The following MORF4L1 variants were observed in gnomAD, a reference collection of about 807,000 sequenced individuals.
MORF4L1 encodes mortality factor 4 like 1.
A neutral mutation model predicts 52.9 loss-of-function variants in MORF4L1; 4 were observed. The ratio of observed to expected loss-of-function variants is 0.08; its 90% confidence interval spans 0.04 to 0.17. The LOEUF is 0.17. MORF4L1 is among the 10% of genes least tolerant of loss of function. MORF4L1 has a pLI of 1.00. For missense variants in MORF4L1, 214 were observed against 390.4 expected (o/e 0.55, Z 3.81); for synonymous variants, 123 against 134.8 (o/e 0.91, Z 0.61).
intron 1 of MORF4L1, chr15:78,873,340 G>A (rs2056406424): frequency 1.0e-6 from 1 of 974,394 alleles, no homozygotes; most frequent in Non-Finnish European, 1.4e-6. Flanking sequence ...CTGAGGAAGA[G>A]GGCGCGGAGA....
chr15:78,874,667 A>T (rs1596236406), intron 1 of MORF4L1, among the ~76,000 whole-genome samples: 1 of 135,644 alleles, frequency 7.4e-6, no homozygotes, highest in South Asian at 2.2e-4. Context: ...GGCTTGAGCG[A>T]TCCACCCGCC....
At chr15:78,889,286 A>G (rs1473740517) in intron 5 of MORF4L1, among the ~76,000 whole-genome samples, 2 of 152,220 alleles carry the variant, frequency 1.3e-5, no homozygotes, top group Non-Finnish European at 1.5e-5. Flanking sequence ...ATTGAAGTGT[A>G]TGGGTTGAAT....
chr15:78,892,524 A>G (rs1265577434), intron 8 of MORF4L1: 3 of 427,988 alleles, frequency 7.0e-6, no homozygotes, highest in Non-Finnish European at 1.3e-5. Flanking sequence ...ATGAGGTTAT[A>G]ATGATAAAGG....
intron 1 of MORF4L1, 171 bp from the exon 2 acceptor site, chr15:78,878,042 T>A (rs1439677184): frequency 6.1e-6 from 3 of 489,230 alleles, no homozygotes; most frequent in Non-Finnish European, 1.1e-5. Flanking sequence ...CAACGTGTTT[T>A]TGTCGTAGGG....
intron 1 of MORF4L1, chr15:78,873,309 C>T (rs1038894312): frequency 1.3e-5 from 16 of 1,204,710 alleles, no homozygotes; most frequent in Admixed American, 3.4e-5. Flanking sequence ...GGCACACCCT[C>T]GTCAAGTGTT....
At position 78,884,238 on chromosome 15, in the gene MORF4L1, G is replaced by A. The variant is rs181848562; in HGVS notation, c.156-1903G>A. On this transcript the variant is annotated intron_variant, in intron 3 of 11. Transcript: ENST00000426013. ...AACAAAAAGCTGAAATTCTTGCCAG[G>A]CGCGATGGCTCATGCCTGTAATCCC... 2.8e-3 allele frequency among the ~76,000 whole-genome samples: 417 copies of A among 151,022 alleles called. 2 individuals are homozygous for A. The highest frequency in any genetic ancestry group is 6.9e-3 in the Middle Eastern group (2 of 290).
chr15:78,876,403 TTC>T (rs2056491897), intron 1 of MORF4L1: 1 of 369,808 alleles, frequency 2.7e-6, no homozygotes. Flanking sequence ...CCATTGGAAA[TTC>T]TTTTTTGTTT....
Position 78,892,208 on chromosome 15 carries a change from T to G in MORF4L1, c.439-4T>G, listed in dbSNP as rs1465722237. ...TTTTTAATACTCCTCCTGTTTCTGT[T>G]TAGGAGGAAACATTCATGAACAGAG... is the stretch of plus-strand genomic sequence containing the variant. On this transcript the variant is annotated splice_polypyrimidine_tract_variant and splice_region_variant and intron_variant, in intron 7 of 11. Transcript: ENST00000426013. 2 of 1,599,164 alleles carry G rather than the reference T, an allele frequency of 1.3e-6. No individual in the cohort carries two copies. Among genetic ancestry groups the G allele is most frequent in the African/African-American group, 1.3e-5 (1 of 74,534 alleles).
intron 1 of MORF4L1, among the ~76,000 whole-genome samples, chr15:78,874,311 A>G (rs1038230348): frequency 6.6e-6 from 1 of 152,174 alleles, no homozygotes; most frequent in African/African-American, 2.4e-5. Flanking sequence ...CTCAAACCGT[A>G]GTACTGCGTA....
chr15:78,892,930 T>C (rs1273415470), intron 8 of MORF4L1: 2 of 153,252 alleles, frequency 1.3e-5, no homozygotes, highest in African/African-American at 4.8e-5. Context: ...TAGTTTGAAT[T>C]CTGATTTGAA....
intron 3 of MORF4L1, among the ~76,000 whole-genome samples, chr15:78,883,524 C>T (rs1234713560): frequency 6.6e-6 from 1 of 152,158 alleles, no homozygotes; most frequent in African/African-American, 2.4e-5. Context: ...GCATTTTCCT[C>T]TTTGGTGTAT....
At chr15:78,883,707 CTT>C (rs1322486448) in intron 3 of MORF4L1, among the ~76,000 whole-genome samples, 5 of 152,210 alleles carry the variant, frequency 3.3e-5, no homozygotes, top group Non-Finnish European at 5.9e-5. Context: ...TCAGAAATGT[CTT>C]TGGTTGACTT....
chr15:78,896,025 C>G (rs2056881340), intron 11 of MORF4L1, among the ~76,000 whole-genome samples: 1 of 152,112 alleles, frequency 6.6e-6, no homozygotes, highest in Non-Finnish European at 1.5e-5. Context: ...GTCGCCCAGG[C>G]TGGAGTGCAG....
At chr15:78,881,032 G>A (rs2056592740) in intron 3 of MORF4L1, among the ~76,000 whole-genome samples, 1 of 151,672 alleles carries the variant, frequency 6.6e-6, no homozygotes, top group African/African-American at 2.4e-5. Flanking sequence ...TTGCTTGATT[G>A]GGAAATAAAG....
intron 2 of MORF4L1, among the ~76,000 whole-genome samples, chr15:78,879,773 CAA>C (rs10664763): frequency 3.2e-4 from 40 of 124,588 alleles, no homozygotes; most frequent in South Asian, 5.1e-4. Context: ...CTGTCTCTAC[CAA>C]AAAAAAAAAA....
At chr15:78,876,234 C>A (rs531277405) in intron 1 of MORF4L1, among the ~76,000 whole-genome samples, 1 of 151,626 alleles carries the variant, frequency 6.6e-6, no homozygotes, top group Non-Finnish European at 1.5e-5. Flanking sequence ...CCGCGCCCGG[C>A]CGAGAAATAG....
chr15:78,873,068 G>C lies in MORF4L1; in HGVS notation c.40+11G>C, dbSNP rs200078853. Reference sequence around the variant, plus strand: ...CTAAATTCCAGGAGGGTGAGTGTGCGCCTTTGGGAAAAAGGCACCTAACGG... The same window carrying C: ...CTAAATTCCAGGAGGGTGAGTGTGCCCCTTTGGGAAAAAGGCACCTAACGG... On this transcript the variant is annotated intron_variant, in intron 1 of 11. Transcript: ENST00000426013. 1.9e-6 allele frequency: 3 copies of C among 1,551,258 alleles called. No individual in the cohort carries two copies. In the African/African-American group the frequency reaches 4.1e-5, roughly 21 times the overall value.
chr15:78,879,497 G>A (rs2056560079), intron 2 of MORF4L1, among the ~76,000 whole-genome samples: 1 of 152,118 alleles, frequency 6.6e-6, no homozygotes, highest in South Asian at 2.1e-4. Flanking sequence ...TGGGATTAGA[G>A]GTGTGAGCCA....
intron 1 of MORF4L1, among the ~76,000 whole-genome samples, chr15:78,875,253 C>A (rs140259398): frequency 3.3e-5 from 5 of 152,180 alleles, no homozygotes; most frequent in Admixed American, 6.5e-5. Flanking sequence ...GATGGCTGTT[C>A]TGGAAGAAGC....
Sources: gnomAD v4.1 joint callset for allele counts (sites outside exome capture counted in the v4.1 genomes callset) on GRCh38, gnomAD v4.1.1 for gene constraint, MANE v1.5 for transcripts, NCBI Gene and HGNC (gene_info 2026-07-23, HGNC 2026-07-21) for gene names.